NRG3: variants seen among roughly 807,000 people sequenced by gnomAD.
NRG3 encodes pro-neuregulin-3, membrane-bound isoform.
A neutral mutation model predicts 66.9 loss-of-function variants in NRG3; 31 were observed. The observed-to-expected ratio is 0.46, with a 90% CI of 0.35 to 0.63. NRG3 has a LOEUF of 0.63. NRG3 is among the 20% of genes least tolerant of loss of function. The pLI, the probability that NRG3 is intolerant of heterozygous loss-of-function variation, is 0.00. For missense variants in NRG3, 910 were observed against 878.9 expected, an observed-to-expected ratio of 1.04 and a Z score of -0.45; for synonymous variants, 393 against 359.4, an observed-to-expected ratio of 1.09 and a Z score of -1.06.
In NRG3 at chr10:82,132,467, T is replaced by TATCA. The variant is rs1564593172; in HGVS notation, c.824-226272_824-226271insATCA. On this transcript the variant is annotated intron_variant, in intron 1 of 8. Transcript: ENST00000372141. ...ATCTTTTATATATATATGATATATA[T>TATCA]GATATATATATGATATATATATATG... 2.5e-4 allele frequency among the ~76,000 whole-genome samples: 33 copies of TATCA among 131,566 alleles called. 3 individuals carry two copies. In the Middle Eastern group the frequency reaches 0.012, roughly 46 times the overall value. The allele number at this position is 131,566 out of a possible 152,430, so 86.3% of individuals were successfully genotyped here.
In NRG3 at chr10:82,710,586, CAAA is replaced by C. The variant is rs59857324; in HGVS notation, c.954-27969_954-27967del. Among the ~76,000 whole-genome samples the C allele has an allele frequency of 7.6e-3, 563 of 73,710 alleles. 1 individual carries two copies. Among genetic ancestry groups the C allele is most frequent in the African/African-American group, 0.027 (501 of 18,478 alleles). The allele number at this position is 73,710 out of a possible 152,430, so 48.4% of individuals were successfully genotyped here. ...GGGCGACAAGAGCAAGACTCCATCTCAAAAAAAAAAAAAAAAAAAAAAAAGAAT... is the reference window on the plus strand; with the variant it reads ...GGGCGACAAGAGCAAGACTCCATCTCAAAAAAAAAAAAAAAAAAAAAGAAT... On this transcript the variant is annotated intron_variant, in intron 2 of 8. Transcript: ENST00000372141.
intron 1 of NRG3, among the ~76,000 whole-genome samples, chr10:82,058,735 T>C (rs1414665611): frequency 6.6e-6 from 1 of 152,102 alleles, no homozygotes; most frequent in African/African-American, 2.4e-5. Flanking sequence ...CTACTTTGCC[T>C]CAGGCCTTGA....
intron 1 of NRG3, among the ~76,000 whole-genome samples, chr10:82,124,259 G>T (rs1004733153): frequency 6.6e-6 from 1 of 151,868 alleles, no homozygotes; most frequent in Non-Finnish European, 1.5e-5. Context: ...ACCATCTTTG[G>T]CAGGTAACTT....
intron 1 of NRG3, among the ~76,000 whole-genome samples, chr10:82,096,729 G>A (rs2066368712): frequency 6.6e-6 from 1 of 152,036 alleles, no homozygotes; most frequent in Admixed American, 6.6e-5. Flanking sequence ...TATAACCACA[G>A]CCAATGAACA....
chr10:82,904,210 AT>A (rs372006840), intron 4 of NRG3, among the ~76,000 whole-genome samples: 7 of 151,822 alleles, frequency 4.6e-5, no homozygotes, highest in Admixed American at 2.6e-4. Context: ...TCTTTTTGTG[AT>A]TTTTTTTAGC....
At chr10:82,906,158 C>T (rs1030364372) in intron 4 of NRG3, among the ~76,000 whole-genome samples, 1 of 152,174 alleles carries the variant, frequency 6.6e-6, no homozygotes, top group Non-Finnish European at 1.5e-5. Context: ...TGGGGCTTCT[C>T]TTCTTAAAAC....
chr10:82,784,374 A>G (rs1232092048), intron 3 of NRG3, among the ~76,000 whole-genome samples: 1 of 150,872 alleles, frequency 6.6e-6, no homozygotes, highest in African/African-American at 2.4e-5. Context: ...TAATTAAACT[A>G]AAGAGCTTCT....
chr10:82,264,798 T>TA (rs1171112813), intron 1 of NRG3, among the ~76,000 whole-genome samples: 3 of 151,748 alleles, frequency 2.0e-5, no homozygotes, highest in Non-Finnish European at 2.9e-5. Context: ...AGAGGTCAGG[T>TA]AAAATGAGAA....
chr10:82,512,819 T>C (rs1032201901), intron 2 of NRG3, among the ~76,000 whole-genome samples: 5 of 152,360 alleles, frequency 3.3e-5, no homozygotes, highest in African/African-American at 9.6e-5. Flanking sequence ...GAAACTGTAG[T>C]ATATTCCTTT....
At chr10:82,655,091 A>G (rs926023607) in intron 2 of NRG3, among the ~76,000 whole-genome samples, 8 of 152,078 alleles carry the variant, frequency 5.3e-5, no homozygotes, top group African/African-American at 1.9e-4. Flanking sequence ...AAAATGATAT[A>G]CTGTCTTATT....
At chr10:82,595,511 C>A (rs537654897) in intron 2 of NRG3, among the ~76,000 whole-genome samples, 1 of 152,058 alleles carries the variant, frequency 6.6e-6, no homozygotes, top group Admixed American at 6.6e-5. Context: ...TGGGGCCAGG[C>A]GCGATGGCCC....
chr10:81,998,653 C>T (rs2061041071), intron 1 of NRG3, among the ~76,000 whole-genome samples: 1 of 152,174 alleles, frequency 6.6e-6, no homozygotes, highest in African/African-American at 2.4e-5. Flanking sequence ...TGTGATAAAA[C>T]AACGTGTGTG....
chr10:81,948,986 C>T (rs61862900), intron 1 of NRG3, among the ~76,000 whole-genome samples: 1 of 152,120 alleles, frequency 6.6e-6, no homozygotes, highest in Non-Finnish European at 1.5e-5. Flanking sequence ...TTCTAGTTGT[C>T]CTCTCCCCAG....
At chr10:82,526,306 A>G (rs1189489404) in intron 2 of NRG3, among the ~76,000 whole-genome samples, 1 of 151,828 alleles carries the variant, frequency 6.6e-6, no homozygotes, top group Non-Finnish European at 1.5e-5. Flanking sequence ...TATTAATAAA[A>G]ATAGAATAGT....
chr10:82,857,393 A>G (rs1464580372), intron 3 of NRG3, among the ~76,000 whole-genome samples: 1 of 152,148 alleles, frequency 6.6e-6, no homozygotes, highest in Non-Finnish European at 1.5e-5. Flanking sequence ...TGTGCTTTCT[A>G]GAAAAGTGGT....
chr10:82,011,245 C>G (rs2061562406), intron 1 of NRG3, among the ~76,000 whole-genome samples: 1 of 152,098 alleles, frequency 6.6e-6, no homozygotes, highest in African/African-American at 2.4e-5. Context: ...GGCAAGAGAG[C>G]TTGTTTAGGG....
At position 82,958,973 on chromosome 10, in the gene NRG3, G is replaced by A. The variant is rs757818585; in HGVS notation, c.1182G>A (p.Glu394=). 4 of 1,600,250 alleles carry A rather than the reference G, an allele frequency of 2.5e-6. No individual in the cohort carries two copies. The South Asian group carries it at 4.5e-5, about 18-fold the overall frequency. ...KSKKQAKQIQ[E]QLKVPQNGKS... is the part of the protein sequence containing the mutation. ...GGAAACAAGCTAAACAAATCCAAGA[G>A]CAGCTGAAAGTGCCACAAAATGGTA... Residue 394 remains glutamate (E), a synonymous_variant, in exon 6 of 9, where the codon GAG becomes GAA. Transcript: ENST00000372141.
At chr10:82,298,447 T>C (rs529822538) in intron 1 of NRG3, among the ~76,000 whole-genome samples, 69 of 152,306 alleles carry the variant, frequency 4.5e-4, no homozygotes, top group African/African-American at 1.7e-3. Flanking sequence ...TATGAGCTCA[T>C]TTTACTATAT....
intron 2 of NRG3, among the ~76,000 whole-genome samples, chr10:82,534,613 C>A (rs1366488137): frequency 6.6e-6 from 1 of 151,852 alleles, no homozygotes; most frequent in Non-Finnish European, 1.5e-5. Context: ...AATCAAATAG[C>A]CAAATCAATC....
Sources: gnomAD v4.1 joint callset for allele counts (sites outside exome capture counted in the v4.1 genomes callset) on GRCh38, gnomAD v4.1.1 for gene constraint, MANE v1.5 for transcripts, NCBI Gene and HGNC (gene_info 2026-07-23, HGNC 2026-07-21) for gene names.